The following CDYL variants were observed in gnomAD, a reference collection of about 807,000 sequenced individuals.
CDYL encodes the protein chromodomain Y like.
In CDYL, 8 loss-of-function variants were observed where a neutral mutation model predicts 47.3. That is an observed-to-expected ratio of 0.17 (90% CI 0.10 to 0.31). The LOEUF (loss-of-function observed/expected upper bound fraction) is 0.31, where lower values mean the gene tolerates loss of function less well. Ranked by LOEUF, CDYL falls within the 10% of genes least tolerant of loss-of-function variation. The pLI, the probability that CDYL is intolerant of heterozygous loss-of-function variation, is 1.00. For synonymous variants in CDYL, 266 were observed against 265.0 expected (o/e 1.00, Z -0.04); for missense variants, 471 against 701.4 (o/e 0.67, Z 3.71).
In CDYL at chr6:4,954,169, G is replaced by A. The variant is rs1159863945; in HGVS notation, c.*113G>A. On this transcript the variant is annotated 3_prime_UTR_variant, in exon 7 of 7. Transcript: ENST00000397588. ...TGAAACAAGCTCACCCGTAGCTTACGCTTGGAAGCAGGACTGGGAACATCC... is the reference window on the plus strand; with the variant it reads ...TGAAACAAGCTCACCCGTAGCTTACACTTGGAAGCAGGACTGGGAACATCC... 10 of 1,166,912 alleles carry A rather than the reference G, an allele frequency of 8.6e-6. No individual in the cohort carries two copies. Among genetic ancestry groups the A allele is most frequent in the East Asian group, 2.5e-5 (1 of 40,192 alleles). 72.3% of individuals were successfully genotyped at this position (1,166,912 alleles called of 1,614,324 possible). A position where few individuals can be genotyped will look rare whatever the true frequency, so the allele number is the denominator to read the frequency against.
rs772701131 is a variant in CDYL, at chr6:4,802,871, CT to C, written c.24+26068del. On this transcript the variant is annotated intron_variant, in intron 1 of 6. Transcript: ENST00000397588. ...AGGTTTTCAGAGGCCACAGGATTCT[CT>C]TTTCCGGCATCTCACTAAGTACTTG... Among the ~76,000 whole-genome samples the C allele has an allele frequency of 7.2e-5, 11 of 152,224 alleles. No individual in the cohort carries two copies. The East Asian group carries it at 1.4e-3, about 19-fold the overall frequency.
intron 2 of CDYL, among the ~76,000 whole-genome samples, chr6:4,909,119 T>C (rs891496633): frequency 1.3e-5 from 2 of 152,228 alleles, no homozygotes; most frequent in African/African-American, 4.8e-5. Flanking sequence ...TTGGTTTTGT[T>C]GCTCTGTGAG....
At chr6:4,878,338 C>A (rs12215511) in intron 1 of CDYL, among the ~76,000 whole-genome samples, 25,117 of 151,722 alleles carry the variant, frequency 0.17, 2,293 homozygotes, top group South Asian at 0.22. Context: ...ATAGAATTCA[C>A]CAGCAAAGCC....
intron 3 of CDYL, among the ~76,000 whole-genome samples, chr6:4,736,287 T>A (rs4960041): frequency 0.57 from 87,029 of 152,080 alleles, 25,790 homozygotes; most frequent in South Asian, 0.71. Context: ...AGCTGTATGT[T>A]ATATGAAAAC....
At chr6:4,929,525 C>CACACAT (rs1017452970) in intron 2 of CDYL, among the ~76,000 whole-genome samples, 2 of 147,774 alleles carry the variant, frequency 1.4e-5, no homozygotes, top group South Asian at 4.2e-4. Flanking sequence ...CACACACACA[C>CACACAT]ATACATACAC....
At position 4,922,205 on chromosome 6, in the gene CDYL, C is replaced by T. The variant is rs1003790737; in HGVS notation, c.692-13310C>T. Among the ~76,000 whole-genome samples the T allele has an allele frequency of 7.2e-5, 11 of 152,086 alleles. 1 individual carries two copies. The highest frequency in any genetic ancestry group is 3.9e-4 in the Admixed American group (6 of 15,266). ...GTTGGGTGAGACACCTGGTACTGCC[C>T]GGCCAGCAGTGATGGGTCCACAGAT... On this transcript the variant is annotated intron_variant, in intron 2 of 6. Coordinates refer to ENST00000397588, the MANE Select transcript of CDYL (RefSeq NM_004824.4).
At chr6:4,721,484 A>G (rs1008078161) in intron 2 of CDYL, among the ~76,000 whole-genome samples, 6 of 152,172 alleles carry the variant, frequency 3.9e-5, no homozygotes, top group African/African-American at 1.4e-4. Context: ...CCAGGAGTCA[A>G]GCAATTCTCA....
chr6:4,953,238 G>C (rs1041841055), intron 6 of CDYL, among the ~76,000 whole-genome samples: 1 of 151,798 alleles, frequency 6.6e-6, no homozygotes, highest in Non-Finnish European at 1.5e-5. Flanking sequence ...CCAAAAGTTA[G>C]CCAGGCTTGG....
chr6:4,831,116 C>G (rs1760130156), intron 1 of CDYL, among the ~76,000 whole-genome samples: 1 of 152,172 alleles, frequency 6.6e-6, no homozygotes, highest in East Asian at 1.9e-4. Flanking sequence ...TGGGTATATC[C>G]CCAGTAATGG....
intron 1 of CDYL, among the ~76,000 whole-genome samples, chr6:4,787,199 G>A (rs958491327): frequency 2.6e-4 from 39 of 152,132 alleles, no homozygotes; most frequent in African/African-American, 9.2e-4. Flanking sequence ...AGCAAGAGGC[G>A]AGTGATTATT....
At chr6:4,830,689 G>T (rs1415613610) in intron 1 of CDYL, among the ~76,000 whole-genome samples, 1 of 151,480 alleles carries the variant, frequency 6.6e-6, no homozygotes, top group Non-Finnish European at 1.5e-5. Context: ...TGACATGCTG[G>T]TGCACTGCAC....
chr6:4,759,894 A>T (rs1758144890), intron 3 of CDYL, among the ~76,000 whole-genome samples: 1 of 76,118 alleles, frequency 1.3e-5, no homozygotes, highest in Non-Finnish European at 2.2e-5. Context: ...AAAAAAAAAA[A>T]AAAAAAAAAA....
chr6:4,711,533 G>C (rs1167835115), intron 1 of CDYL, among the ~76,000 whole-genome samples: 2 of 152,192 alleles, frequency 1.3e-5, no homozygotes, highest in Non-Finnish European at 2.9e-5. Context: ...CCAGAGAACA[G>C]CACAGAACCA....
intron 2 of CDYL, among the ~76,000 whole-genome samples, chr6:4,907,251 AC>A (rs1757266587): frequency 6.6e-6 from 1 of 152,160 alleles, no homozygotes; most frequent in African/African-American, 2.4e-5. Context: ...AAAACAGACC[AC>A]CCTGCTGCAG....
intron 2 of CDYL, among the ~76,000 whole-genome samples, chr6:4,730,195 T>C (rs17345926): frequency 0.047 from 7,138 of 152,202 alleles, 258 homozygotes; most frequent in Non-Finnish European, 0.068. Context: ...TTCTGTGTTT[T>C]TCTGAGATTC....
rs1282712248 is a variant in CDYL, at chr6:4,833,706, C to CT, written c.24+56900dup. On this transcript the variant is annotated intron_variant, in intron 1 of 6. Coordinates refer to ENST00000397588, the MANE Select transcript of CDYL (RefSeq NM_004824.4). ...TCTCCCATTATTATTGTGTGGGAGT[C>CT]TAAGTCTCTTTTTAGATCACTCAGG... 3.4e-4 allele frequency among the ~76,000 whole-genome samples: 51 copies of CT among 151,692 alleles called. No homozygotes were observed. In the South Asian group the frequency reaches 7.5e-3, roughly 22 times the overall value.
chr6:4,895,113 A>G (rs1421703400), intron 2 of CDYL, among the ~76,000 whole-genome samples: 1 of 150,666 alleles, frequency 6.6e-6, no homozygotes, highest in Admixed American at 6.6e-5. Flanking sequence ...ATATGTATCT[A>G]TATGCATATA....
At chr6:4,877,728 G>A (rs556686305) in intron 1 of CDYL, among the ~76,000 whole-genome samples, 47 of 152,224 alleles carry the variant, frequency 3.1e-4, no homozygotes, top group South Asian at 1.4e-3. Flanking sequence ...GAAATCTGTT[G>A]CTTTATGATG....
At chr6:4,945,160 G>C (rs1244002115) in intron 5 of CDYL, among the ~76,000 whole-genome samples, 1 of 152,094 alleles carries the variant, frequency 6.6e-6, no homozygotes, top group Non-Finnish European at 1.5e-5. Flanking sequence ...TGGGAAGGCT[G>C]GTGAAATTCA....
Sources: allele counts gnomAD v4.1 joint callset (sites outside exome capture counted in the v4.1 genomes callset), GRCh38; gene constraint gnomAD v4.1.1; transcripts MANE v1.5; gene names NCBI Gene and HGNC (gene_info 2026-07-23, HGNC 2026-07-21).